The following ZFPM1 variants were observed in gnomAD, a reference collection of about 807,000 sequenced individuals.
The protein encoded by ZFPM1 is zinc finger protein, FOG family member 1.
Under a neutral mutation model 46.3 loss-of-function variants are expected in ZFPM1, and 28 were observed. The ratio of observed to expected loss-of-function variants is 0.60; its 90% confidence interval spans 0.45 to 0.83. ZFPM1 has a LOEUF of 0.83. Ranked by LOEUF, ZFPM1 falls within the 40% of genes least tolerant of loss-of-function variation. The probability of loss-of-function intolerance (pLI) is 0.00; values close to 1 mark genes in which losing one functional copy is unlikely to be tolerated. For missense variants in ZFPM1, 1,878 were observed against 1,432.4 expected (o/e 1.31, Z -5.02); for synonymous variants, 957 against 675.9 (o/e 1.42, Z -6.45).
At chr16:88,491,783 G>A (rs540041219) in intron 3 of ZFPM1, among the ~76,000 whole-genome samples, 19 of 152,348 alleles carry the variant, frequency 1.2e-4, no homozygotes, top group African/African-American at 2.4e-4. Context: ...TGCAGTGGGC[G>A]GTGATGGGCT....
At chr16:88,517,931 C>T (rs530731058) in intron 4 of ZFPM1, among the ~76,000 whole-genome samples, 1 of 151,148 alleles carries the variant, frequency 6.6e-6, no homozygotes, top group Admixed American at 6.6e-5. Context: ...GTGGGTGAGG[C>T]CAGGCGCAGT....
At chr16:88,502,471 C>CG (rs1387010847) in intron 3 of ZFPM1, among the ~76,000 whole-genome samples, 6 of 152,160 alleles carry the variant, frequency 3.9e-5, no homozygotes, top group Admixed American at 3.9e-4. Flanking sequence ...GTGGGCCGCC[C>CG]GGGGCCATGG....
At chr16:88,528,747 T>C (rs1414210706) in intron 6 of ZFPM1, among the ~76,000 whole-genome samples, 1 of 8,058 alleles carries the variant, frequency 1.2e-4, no homozygotes, top group African/African-American at 1.5e-4. Flanking sequence ...TTTTTGTTGT[T>C]TTTTTTTCGA....
intron 8 of ZFPM1, 25 bp downstream of exon 8, chr16:88,532,734 T>C: frequency 1.2e-6 from 2 of 1,611,356 alleles, no homozygotes; most frequent in Non-Finnish European, 8.5e-7. Context: ...GGCCGGGGGG[T>C]GTGTGGGTCC....
At chr16:88,518,737 GTGGATGGATGGATGGA>G (rs56367074) in intron 4 of ZFPM1, among the ~76,000 whole-genome samples, 25 of 126,120 alleles carry the variant, frequency 2.0e-4, no homozygotes, top group Admixed American at 6.2e-4. Context: ...GGCTGAGAGG[GTGGATGGATGGATGGA>G]TGGATGGATG....
chr16:88,456,597 G>T (rs149166222), intron 1 of ZFPM1, among the ~76,000 whole-genome samples: 276 of 152,266 alleles, frequency 1.8e-3, no homozygotes, highest in African/African-American at 6.1e-3. Context: ...AGGTGGTCAG[G>T]GACACTTCTT....
At chr16:88,495,831 C>G (rs1463602915) in intron 3 of ZFPM1, among the ~76,000 whole-genome samples, 1 of 152,144 alleles carries the variant, frequency 6.6e-6, no homozygotes, top group Non-Finnish European at 1.5e-5. Flanking sequence ...GGGCCTAGAG[C>G]TTTTTCCTGG....
chr16:88,505,596 G>T (rs1910605580), intron 3 of ZFPM1, among the ~76,000 whole-genome samples: 1 of 152,180 alleles, frequency 6.6e-6, no homozygotes. Context: ...GCTTCCTGGG[G>T]TCCTGGCACG....
Position 88,533,190 on chromosome 16 carries a change from GC to G in ZFPM1, c.1237del (p.Leu413TrpfsTer385). The G allele has an allele frequency of 3.3e-6, 5 of 1,533,570 alleles. No individual in the cohort carries two copies. The highest frequency in any genetic ancestry group is 2.5e-5 in the South Asian group (2 of 80,386). The allele number at this position is 1,533,570 out of a possible 1,614,324, so 95.0% of individuals were successfully genotyped here. A position where few individuals can be genotyped will look rare whatever the true frequency, so the allele number is the denominator to read the frequency against. Reference sequence around the variant, plus strand: ...CAGCAGCAGCACACGGCCCTGCAAGGCCCCCTGGCCTCCGCGGACCTGGGCC... The same window carrying G: ...CAGCAGCAGCACACGGCCCTGCAAGGCCCCTGGCCTCCGCGGACCTGGGCC... ...SFQQQHTALQGPLASADLGLA... is the reference protein window; with the variant it reads ...SFQQQHTALQXPLASADLGLA... On this transcript the variant is annotated frameshift_variant, in exon 10 of 10. Transcript: ENST00000319555. LOFTEE classifies it low-confidence loss of function (END_TRUNC).
rs1039473239 is a variant in ZFPM1 at position 88,535,704 on chromosome 16, C to G, written c.*725C>G. On this transcript the variant is annotated 3_prime_UTR_variant, in exon 10 of 10. Transcript: ENST00000319555. ...TCCTGATGCTCACTGGTGGGTGCATCTCTCCCTCAGAGCCAGGGCTGAGGA... is the reference window on the plus strand; with the variant it reads ...TCCTGATGCTCACTGGTGGGTGCATGTCTCCCTCAGAGCCAGGGCTGAGGA... The G allele has an allele frequency of 1.3e-5, 2 of 152,336 alleles. No homozygotes were observed. The highest frequency in any genetic ancestry group is 2.4e-5 in the African/African-American group (1 of 41,460). The allele number at this position is 152,336 out of a possible 1,614,324, so 9.4% of individuals were successfully genotyped here. A position where few individuals can be genotyped will look rare whatever the true frequency, so the allele number is the denominator to read the frequency against.
intron 6 of ZFPM1, among the ~76,000 whole-genome samples, chr16:88,529,116 CA>C (rs1176171975): frequency 1.3e-5 from 2 of 152,204 alleles, no homozygotes; most frequent in African/African-American, 4.8e-5. Context: ...CCATATCTGC[CA>C]AAACTTTGAA....
At chr16:88,529,182 C>G (rs1267965440) in intron 6 of ZFPM1, among the ~76,000 whole-genome samples, 2 of 152,104 alleles carry the variant, frequency 1.3e-5, no homozygotes, top group African/African-American at 4.8e-5. Context: ...AAGGACAGCG[C>G]GTGGCCATCG....
Position 88,534,122 on chromosome 16 carries a change from GGACCCCCTGGGCCGGCCGCGCCCCCGGC to G in ZFPM1, c.2165_2192del (p.Gly722AlafsTer67). On this transcript the variant is annotated frameshift_variant, in exon 10 of 10. Coordinates refer to ENST00000319555, the MANE Select transcript of ZFPM1 (RefSeq NM_153813.3). LOFTEE classifies it low-confidence loss of function (END_TRUNC). ...GCCGCGCCGACCGGCCGCGCCCCCGGGACCCCCTGGGCCGGCCGCGCCCCCGGCCCCCTCTCCCGCCGCGCCTGTGCGC... is the reference window on the plus strand; with the variant it reads ...GCCGCGCCGACCGGCCGCGCCCCCGGCCCCTCTCCCGCCGCGCCTGTGCGC... The G allele has an allele frequency of 9.1e-7, 1 of 1,100,450 alleles. No individual in the cohort carries two copies. Among genetic ancestry groups the G allele is most frequent in the Non-Finnish European group, 1.1e-6 (1 of 887,224 alleles). 68.2% of individuals were successfully genotyped at this position (1,100,450 alleles called of 1,614,324 possible). A position where few individuals can be genotyped will look rare whatever the true frequency, so the allele number is the denominator to read the frequency against.
chr16:88,521,380 G>T (rs922688264), intron 4 of ZFPM1, among the ~76,000 whole-genome samples: 1 of 152,000 alleles, frequency 6.6e-6, no homozygotes, highest in South Asian at 2.1e-4. Flanking sequence ...CTCCCTGCAT[G>T]GTTTCAGAGG....
chr16:88,466,586 C>T (rs1336994807), intron 1 of ZFPM1, among the ~76,000 whole-genome samples: 1 of 152,212 alleles, frequency 6.6e-6, no homozygotes, highest in Non-Finnish European at 1.5e-5. Flanking sequence ...CCCATCCTGG[C>T]AGTGGGAGGG....
In ZFPM1 at chr16:88,453,790, ACCCCGCGCCGCGCC is replaced by A. The variant is rs375680945; in HGVS notation, c.40+121_40+134del. ...TCTGCCCTGGGCGCCGGCGACCTTC[ACCCCGCGCCGCGCC>A]CCCCGCGCTGTGCCAAGCGCGCCGT... is the stretch of plus-strand genomic sequence containing the variant. On this transcript the variant is annotated intron_variant, in intron 1 of 9. Transcript: ENST00000319555. 464 of 569,744 alleles carry A rather than the reference ACCCCGCGCCGCGCC, an allele frequency of 8.1e-4. 7 individuals carry two copies. In the African/African-American group the frequency reaches 8.7e-3, roughly 11 times the overall value. The allele number at this position is 569,744 out of a possible 1,614,324, so 35.3% of individuals were successfully genotyped here. A position where few individuals can be genotyped will look rare whatever the true frequency, so the allele number is the denominator to read the frequency against.
intron 3 of ZFPM1, among the ~76,000 whole-genome samples, chr16:88,496,380 G>A (rs1909931237): frequency 6.6e-6 from 1 of 152,060 alleles, no homozygotes; most frequent in African/African-American, 2.4e-5. Flanking sequence ...GGTGCTTGGG[G>A]ACCTGACCCA....
At position 88,491,076 on chromosome 16, in the gene ZFPM1, CGGGTCCCAGTCAGGCGCTGGTGCCTTCGG is replaced by C. The variant is rs1263475696; in HGVS notation, c.268+1938_268+1966del. ...TCTCGGTCAGGCGCTGGTGCCTTCG[CGGGTCCCAGTCAGGCGCTGGTGCCTTCGG>C]GGGTCCCAGTCAGGTGCTGGTGCCT... On this transcript the variant is annotated intron_variant, in intron 3 of 9. Coordinates refer to ENST00000319555, the MANE Select transcript of ZFPM1 (RefSeq NM_153813.3). Among the ~76,000 whole-genome samples the C allele has an allele frequency of 2.1e-3, 314 of 146,820 alleles. 2 individuals carry two copies. Among genetic ancestry groups the C allele is most frequent in the African/African-American group, 7.4e-3 (283 of 38,342 alleles).
intron 1 of ZFPM1, among the ~76,000 whole-genome samples, chr16:88,484,595 A>G (rs1374029484): frequency 2.0e-5 from 3 of 152,216 alleles, no homozygotes. Context: ...CTCTGCCCCC[A>G]TCGTGCTTCA....
Sources: gnomAD v4.1 joint callset for allele counts (sites outside exome capture counted in the v4.1 genomes callset) on GRCh38, gnomAD v4.1.1 for gene constraint, MANE v1.5 for transcripts, NCBI Gene and HGNC (gene_info 2026-07-23, HGNC 2026-07-21) for gene names.